THSD7B: variants seen among roughly 807,000 people sequenced by gnomAD.
The protein encoded by THSD7B is thrombospondin type 1 domain containing 7B.
THSD7B carries 138 observed loss-of-function variants against 213.6 expected under a neutral mutation model. The observed-to-expected ratio is 0.65, with a 90% CI of 0.56 to 0.74. The LOEUF (loss-of-function observed/expected upper bound fraction) is 0.74, where lower values mean the gene tolerates loss of function less well. THSD7B is among the 30% of genes least tolerant of loss of function. THSD7B has a pLI of 0.00. For synonymous variants in THSD7B, 742 were observed against 687.0 expected (o/e 1.08, Z -1.25); for missense variants, 1,931 against 1,991.5 (o/e 0.97, Z 0.58).
At chr2:137,504,172 C>G (rs888333744) in intron 15 of THSD7B, among the ~76,000 whole-genome samples, 1 of 152,022 alleles carries the variant, frequency 6.6e-6, no homozygotes, top group Non-Finnish European at 1.5e-5. Flanking sequence ...CATCTCAGTT[C>G]TTTACAATAC....
At chr2:137,112,058 T>G (rs1688356638) in intron 4 of THSD7B, among the ~76,000 whole-genome samples, 1 of 152,118 alleles carries the variant, frequency 6.6e-6, no homozygotes, top group Non-Finnish European at 1.5e-5. Flanking sequence ...CCTGGAGGAC[T>G]ATCGCTGTAA....
intron 2 of THSD7B, among the ~76,000 whole-genome samples, chr2:136,902,695 A>G (rs1324587168): frequency 6.6e-6 from 1 of 152,244 alleles, no homozygotes. Flanking sequence ...AAAGTCAATG[A>G]TTCAGAAGAG....
At chr2:137,315,300 C>A (rs1196442061) in intron 12 of THSD7B, among the ~76,000 whole-genome samples, 1 of 152,176 alleles carries the variant, frequency 6.6e-6, no homozygotes. Flanking sequence ...CTTTCTTTGA[C>A]TCGGAAAGGG....
chr2:137,199,923 C>T (rs1277241739), intron 7 of THSD7B, among the ~76,000 whole-genome samples: 1 of 152,116 alleles, frequency 6.6e-6, no homozygotes, highest in African/African-American at 2.4e-5. Flanking sequence ...GAAAACAATG[C>T]TGGTGGCCAA....
chr2:137,373,957 T>A (rs1685592911), intron 12 of THSD7B, among the ~76,000 whole-genome samples: 1 of 152,220 alleles, frequency 6.6e-6, no homozygotes, highest in African/African-American at 2.4e-5. Flanking sequence ...AAATAGGGAA[T>A]CCTTTCCCCA....
chr2:137,018,742 A>G (rs1308229523), intron 2 of THSD7B, among the ~76,000 whole-genome samples: 1 of 152,178 alleles, frequency 6.6e-6, no homozygotes, highest in Non-Finnish European at 1.5e-5. Context: ...TTAGCCAAGT[A>G]ATCTAATCAT....
At chr2:137,579,943 C>T (rs925750106) in intron 17 of THSD7B, among the ~76,000 whole-genome samples, 1 of 152,026 alleles carries the variant, frequency 6.6e-6, no homozygotes, top group Non-Finnish European at 1.5e-5. Context: ...CCATATTTAA[C>T]CAAAATTACC....
rs192462227 is a variant in THSD7B, at chr2:137,180,042, C to T, written c.1723+9104C>T. On this transcript the variant is annotated intron_variant, in intron 7 of 27. Coordinates refer to ENST00000409968, the MANE Select transcript of THSD7B (RefSeq NM_001316349.2). ...TTATTTCCTTTATAGGTTATTGGTT[C>T]AGAAATGGGTAACGTTAAATTTATT... is the stretch of plus-strand genomic sequence containing the variant. Among the ~76,000 whole-genome samples the T allele has an allele frequency of 4.6e-5, 7 of 152,172 alleles. No individual in the cohort carries two copies. In the East Asian group the frequency reaches 1.4e-3, roughly 29 times the overall value.
intron 12 of THSD7B, among the ~76,000 whole-genome samples, chr2:137,286,795 C>T (rs12465470): frequency 0.033 from 5,097 of 152,230 alleles, 121 homozygotes; most frequent in Middle Eastern, 0.058. Flanking sequence ...ACCTTATCCA[C>T]GAGCTATGGG....
chr2:137,627,940 G>C (rs563877130), intron 20 of THSD7B, among the ~76,000 whole-genome samples: 27 of 152,338 alleles, frequency 1.8e-4, no homozygotes, highest in African/African-American at 6.5e-4. Flanking sequence ...CCACTTTAAA[G>C]TTGTGTAAAT....
intron 12 of THSD7B, among the ~76,000 whole-genome samples, chr2:137,383,673 A>G (rs1361711186): frequency 6.6e-6 from 1 of 152,192 alleles, no homozygotes; most frequent in Non-Finnish European, 1.5e-5. Context: ...TGTAAAATGT[A>G]TAATTACCCT....
intron 1 of THSD7B, among the ~76,000 whole-genome samples, chr2:136,881,396 G>T (rs936559643): frequency 6.6e-6 from 1 of 152,136 alleles, no homozygotes; most frequent in African/African-American, 2.4e-5. Context: ...CCGACACAGA[G>T]ACTGTGGAGT....
intron 3 of THSD7B, among the ~76,000 whole-genome samples, chr2:137,075,546 T>C (rs1687602821): frequency 6.6e-6 from 1 of 152,194 alleles, no homozygotes; most frequent in Non-Finnish European, 1.5e-5. Context: ...CTCCTGTAGC[T>C]CGGAGTAGTT....
At chr2:137,127,013 A>T (rs541730692) in intron 5 of THSD7B, among the ~76,000 whole-genome samples, 195 of 152,256 alleles carry the variant, frequency 1.3e-3, no homozygotes, top group African/African-American at 4.6e-3. Flanking sequence ...CCCCAAAACA[A>T]TGACAATAAT....
At chr2:137,579,536 G>A (rs551448329) in intron 17 of THSD7B, among the ~76,000 whole-genome samples, 284 of 122,736 alleles carry the variant, frequency 2.3e-3, no homozygotes, top group Admixed American at 3.8e-3. Flanking sequence ...ACACGCGCGT[G>A]CGCACACACA....
chr2:136,798,248 T>C (rs1377596084), intron 1 of THSD7B, among the ~76,000 whole-genome samples: 1 of 150,244 alleles, frequency 6.7e-6, no homozygotes, highest in Non-Finnish European at 1.5e-5. Flanking sequence ...TAGCAACCCC[T>C]ATTTTATACA....
At chr2:137,555,920 A>T (rs1680952737) in intron 15 of THSD7B, among the ~76,000 whole-genome samples, 1 of 152,246 alleles carries the variant, frequency 6.6e-6, no homozygotes, top group Non-Finnish European at 1.5e-5. Context: ...AGCCATTTTG[A>T]TTAACTGGAA....
chr2:137,309,510 T>TTTA (rs556558042), intron 12 of THSD7B, among the ~76,000 whole-genome samples: 3 of 143,262 alleles, frequency 2.1e-5, no homozygotes, highest in African/African-American at 8.0e-5. Flanking sequence ...TTATTTATTT[T>TTTA]TTATTATTAT....
In THSD7B at chr2:137,532,040, T is replaced by G. The variant is rs543897309; in HGVS notation, c.3139-31181T>G. On this transcript the variant is annotated intron_variant, in intron 15 of 27. Coordinates refer to ENST00000409968, the MANE Select transcript of THSD7B (RefSeq NM_001316349.2). ...GTATTTGAAAGGGAGAGTTACACAT[T>G]GTAACTGTTTTTAGAGTTGAATGTT... Among the ~76,000 whole-genome samples the G allele has an allele frequency of 7.9e-5, 12 of 152,062 alleles. No individual in the cohort carries two copies. In the South Asian group the frequency reaches 1.0e-3, roughly 13 times the overall value.
Sources: gnomAD v4.1 joint callset for allele counts (sites outside exome capture counted in the v4.1 genomes callset) on GRCh38, gnomAD v4.1.1 for gene constraint, MANE v1.5 for transcripts, NCBI Gene and HGNC (gene_info 2026-07-23, HGNC 2026-07-21) for gene names.